Variants in RMDN2 observed in about 807,000 individuals in gnomAD.
RMDN2 encodes regulator of microtubule dynamics 2, also known as regulator of microtubule dynamics protein 2.
A neutral mutation model predicts 52.8 loss-of-function variants in RMDN2; 61 were observed. That is an observed-to-expected ratio of 1.16 (90% CI 0.94 to 1.43). The LOEUF is 1.43. Ranked by LOEUF, RMDN2 falls within the 40% of genes most tolerant of loss-of-function variation. The pLI is 0.00. For synonymous variants in RMDN2, 180 were observed against 153.1 expected, an observed-to-expected ratio of 1.18 and a Z score of -1.30; for missense variants, 592 against 475.3, an observed-to-expected ratio of 1.25 and a Z score of -2.28.
In RMDN2 at chr2:38,063,562, T is replaced by G. The variant is rs560387593; in HGVS notation, c.1714-3420T>G. ...CCAAAATTGACAAATGGGATCTAAT[T>G]AAACTAAAGAGCTTCTGCACAGCAA... is the stretch of plus-strand genomic sequence containing the variant. On this transcript the variant is annotated intron_variant, in intron 10 of 10. Coordinates refer to the RMDN2 transcript ENST00000234195. Among the ~76,000 whole-genome samples the G allele has an allele frequency of 1.1e-3, 173 of 152,178 alleles. 1 individual carries two copies. The highest frequency in any genetic ancestry group is 2.2e-3 in the Admixed American group (34 of 15,284).
At chr2:38,066,886 G>A in intron 10 of RMDN2, 1 of 1,123,452 alleles carries the variant, frequency 8.9e-7, no homozygotes, top group East Asian at 2.4e-5. Flanking sequence ...CCACTCCATA[G>A]CCATACCTTC....
At position 37,957,377 on chromosome 2, in the gene RMDN2, G is replaced by T. The variant is rs556448354; in HGVS notation, c.453-16663G>T. Among the ~76,000 whole-genome samples, 3 of 152,240 alleles carry T rather than the reference G, an allele frequency of 2.0e-5. No individual in the cohort carries two copies. The South Asian group carries it at 6.2e-4, about 32-fold the overall frequency. ...CTGGCGTGAGATGGTATCTCATTGT[G>T]GTTTTGATTTGCATTTCTCTAATGA... On this transcript the variant is annotated intron_variant, in intron 2 of 10. Coordinates refer to ENST00000354545, the MANE Select transcript of RMDN2 (RefSeq NM_001170791.3).
chr2:37,958,990 C>T (rs1284854855), intron 2 of RMDN2, among the ~76,000 whole-genome samples: 2 of 151,044 alleles, frequency 1.3e-5, no homozygotes, highest in Non-Finnish European at 2.9e-5. Flanking sequence ...GCCTCGCATC[C>T]TTAGGATGAA....
chr2:37,981,483 A>G, intron 5 of RMDN2, 140 bp downstream of exon 5: 4 of 602,842 alleles, frequency 6.6e-6, no homozygotes, highest in Non-Finnish European at 9.0e-6. Context: ...TAGCACAGTA[A>G]CTGTTCTTAT....
At chr2:38,009,879 A>T (rs889804962) in intron 10 of RMDN2, among the ~76,000 whole-genome samples, 11 of 151,936 alleles carry the variant, frequency 7.2e-5, no homozygotes, top group African/African-American at 1.9e-4. Context: ...TGACGTACAG[A>T]TGGGGTTTTG....
intron 10 of RMDN2, among the ~76,000 whole-genome samples, chr2:38,025,311 G>A (rs1679696045): frequency 6.6e-6 from 1 of 151,956 alleles, no homozygotes; most frequent in African/African-American, 2.4e-5. Context: ...ATATAGAAAT[G>A]CAGTTGTGTA....
intron 4 of RMDN2, chr2:37,976,332 ATC>A (rs1359475901): frequency 1.3e-5 from 2 of 152,248 alleles, no homozygotes; most frequent in South Asian, 2.1e-4. Flanking sequence ...CCTACCTGCC[ATC>A]TCTCTGAATG....
downstream of RMDN2, among the ~76,000 whole-genome samples, chr2:38,022,741 T>C (rs543349866): frequency 1.5e-4 from 23 of 152,360 alleles, no homozygotes; most frequent in Admixed American, 3.9e-4. Flanking sequence ...TTCTCATTTG[T>C]GCCTAAAAGT....
intron 10 of RMDN2, among the ~76,000 whole-genome samples, chr2:38,065,319 G>A (rs2125311811): frequency 6.6e-6 from 1 of 151,862 alleles, no homozygotes; most frequent in Non-Finnish European, 1.5e-5. Context: ...TAAGCATATT[G>A]TAATACTTAT....
chr2:38,011,592 C>T (rs1288784778), intron 10 of RMDN2, among the ~76,000 whole-genome samples: 1 of 152,052 alleles, frequency 6.6e-6, no homozygotes, highest in Non-Finnish European at 1.5e-5. Context: ...AGCCTATAGC[C>T]TAGAAGGGAA....
chr2:37,969,772 C>T (rs1223067401), intron 2 of RMDN2, among the ~76,000 whole-genome samples: 7 of 144,780 alleles, frequency 4.8e-5, no homozygotes, highest in Non-Finnish European at 4.7e-5. Context: ...TCTAATGTTT[C>T]ATAATTAAGT....
At chr2:38,013,978 G>T (rs555087397) in intron 10 of RMDN2, among the ~76,000 whole-genome samples, 2 of 152,086 alleles carry the variant, frequency 1.3e-5, no homozygotes, top group Non-Finnish European at 2.9e-5. Flanking sequence ...CGGCCGAGGC[G>T]GGCGGATCAC....
At chr2:37,999,978 G>T (rs1676096756) in intron 8 of RMDN2, among the ~76,000 whole-genome samples, 1 of 152,132 alleles carries the variant, frequency 6.6e-6, no homozygotes, top group African/African-American at 2.4e-5. Context: ...TACAGTTTTT[G>T]TGAAGGTTAC....
At chr2:38,019,715 A>G (rs1318253139), downstream of RMDN2, among the ~76,000 whole-genome samples, 1 of 152,032 alleles carries the variant, frequency 6.6e-6, no homozygotes, top group African/African-American at 2.4e-5. Context: ...GGGAGGATTC[A>G]TTGAGCTCAG....
intron 10 of RMDN2, among the ~76,000 whole-genome samples, chr2:38,032,006 A>T (rs1052830664): frequency 2.0e-5 from 3 of 152,202 alleles, no homozygotes; most frequent in African/African-American, 4.8e-5. Flanking sequence ...AAAAGAAAAA[A>T]AGTGAGTGCT....
At chr2:38,019,691 C>T (rs753498809), downstream of RMDN2, among the ~76,000 whole-genome samples, 44 of 152,116 alleles carry the variant, frequency 2.9e-4, no homozygotes, top group Middle Eastern at 3.4e-3. Flanking sequence ...AAATTATGTT[C>T]GGGAGGCTGA....
intron 2 of RMDN2, among the ~76,000 whole-genome samples, chr2:37,967,734 A>T (rs753397606): frequency 5.9e-5 from 9 of 152,312 alleles, no homozygotes; most frequent in Admixed American, 3.9e-4. Flanking sequence ...AGTTTCTTTC[A>T]GTGGGAAATC....
chr2:38,038,382 C>T (rs1680737515), intron 10 of RMDN2, among the ~76,000 whole-genome samples: 2 of 152,184 alleles, frequency 1.3e-5, no homozygotes, highest in Non-Finnish European at 2.9e-5. Flanking sequence ...GAGCTGAGTT[C>T]TGCGTTACTG....
intron 3 of RMDN2, 118 bp from the exon 4 acceptor site, chr2:37,975,094 A>G (rs1434809253): frequency 2.8e-5 from 19 of 675,938 alleles, no homozygotes; most frequent in Middle Eastern, 3.2e-4. Context: ...CATAGATTCA[A>G]TAATCTATAA....
Sources: allele counts gnomAD v4.1 joint callset (sites outside exome capture counted in the v4.1 genomes callset), GRCh38; gene constraint gnomAD v4.1.1; transcripts MANE v1.5; gene names NCBI Gene and HGNC (gene_info 2026-07-23, HGNC 2026-07-21).